ATG5: variants seen among roughly 807,000 people sequenced by gnomAD.
ATG5 encodes autophagy related 5, also known as autophagy protein 5.
ATG5 carries 14 observed loss-of-function variants against 36.5 expected under a neutral mutation model. The observed-to-expected ratio is 0.38, with a 90% CI of 0.25 to 0.60. The LOEUF (loss-of-function observed/expected upper bound fraction) is 0.60, where lower values mean the gene tolerates loss of function less well. ATG5 is among the 20% of genes least tolerant of loss of function. The probability of loss-of-function intolerance (pLI) is 0.60; values close to 1 mark genes in which losing one functional copy is unlikely to be tolerated. For synonymous variants in ATG5, 95 were observed against 101.5 expected (o/e 0.94, Z 0.38); for missense variants, 195 against 326.7 (o/e 0.60, Z 3.11).
chr6:106,288,547 T>A (rs1780176342), intron 4 of ATG5, among the ~76,000 whole-genome samples: 1 of 152,208 alleles, frequency 6.6e-6, no homozygotes, highest in Non-Finnish European at 1.5e-5. Flanking sequence ...AATTTTCTGA[T>A]TCACCCTTAA....
chr6:106,235,919 T>C (rs141245391), intron 6 of ATG5, among the ~76,000 whole-genome samples: 1 of 152,312 alleles, frequency 6.6e-6, no homozygotes, highest in Non-Finnish European at 1.5e-5. Flanking sequence ...GAGGACCCCT[T>C]CAACAAGATA....
intron 5 of ATG5, among the ~76,000 whole-genome samples, chr6:106,270,628 A>G (rs1045116644): frequency 2.0e-5 from 3 of 152,216 alleles, no homozygotes; most frequent in Admixed American, 1.3e-4. Flanking sequence ...ATTCTAGTCT[A>G]TTATGCATTC....
intron 5 of ATG5, among the ~76,000 whole-genome samples, chr6:106,248,984 A>G (rs1237637682): frequency 1.3e-5 from 2 of 152,198 alleles, no homozygotes; most frequent in African/African-American, 4.8e-5. Context: ...CACAGTAAAC[A>G]TTAAATACCA....
intron 3 of ATG5, among the ~76,000 whole-genome samples, chr6:106,296,593 G>A (rs1769949963): frequency 1.3e-5 from 2 of 152,178 alleles, no homozygotes; most frequent in Admixed American, 1.3e-4. Flanking sequence ...TGAGGCGGGT[G>A]GTTCACCTGA....
At chr6:106,294,865 T>G (rs1480877168) in intron 3 of ATG5, among the ~76,000 whole-genome samples, 5 of 132,240 alleles carry the variant, frequency 3.8e-5, no homozygotes, top group Non-Finnish European at 8.2e-5. Flanking sequence ...AAAAAAAGAA[T>G]TTAGGATGAA....
At chr6:106,267,410 T>C (rs1279997071) in intron 5 of ATG5, among the ~76,000 whole-genome samples, 5 of 152,224 alleles carry the variant, frequency 3.3e-5, no homozygotes, top group Non-Finnish European at 7.3e-5. Flanking sequence ...ATGGCCATAC[T>C]GCCCAAAGTA....
rs559316091 is a variant in ATG5, at chr6:106,323,252, G to A, written c.-59+2274C>T. Reference sequence around the variant, plus strand: ...GTGGTCTTTTCCGTTTCGCTAAGTGGAAAAGTCCTTTTTTTTTTTTTTTTT... The same window carrying A: ...GTGGTCTTTTCCGTTTCGCTAAGTGAAAAAGTCCTTTTTTTTTTTTTTTTT... On this transcript the variant is annotated intron_variant, in intron 1 of 7. Coordinates refer to ENST00000369076, the MANE Select transcript of ATG5 (RefSeq NM_004849.4). 1.5e-4 allele frequency among the ~76,000 whole-genome samples: 21 copies of A among 141,716 alleles called. No homozygotes were observed. The South Asian group carries it at 1.8e-3, about 12-fold the overall frequency. The allele number at this position is 141,716 out of a possible 152,430, so 93.0% of individuals were successfully genotyped here. A position where few individuals can be genotyped will look rare whatever the true frequency, so the allele number is the denominator to read the frequency against.
intron 2 of ATG5, among the ~76,000 whole-genome samples, chr6:106,311,463 G>C (rs1419394301): frequency 6.6e-6 from 1 of 152,096 alleles, no homozygotes; most frequent in South Asian, 2.1e-4. Context: ...TGGAAGTCTG[G>C]GTGTGTGTAG....
intron 6 of ATG5, among the ~76,000 whole-genome samples, chr6:106,244,125 A>T (rs1417849669): frequency 1.3e-5 from 2 of 151,876 alleles, no homozygotes; most frequent in Admixed American, 6.6e-5. Context: ...ACTATGTTGT[A>T]TCCAGGCTGG....
At chr6:106,206,276 C>T (rs73522618) in intron 6 of ATG5, among the ~76,000 whole-genome samples, 2,991 of 151,848 alleles carry the variant, frequency 0.02, 100 homozygotes, top group African/African-American at 0.065. Flanking sequence ...GGTGGGGGCG[C>T]AGCAACCAGT....
At chr6:106,323,243 C>T (rs1771165076) in intron 1 of ATG5, among the ~76,000 whole-genome samples, 1 of 137,750 alleles carries the variant, frequency 7.3e-6, no homozygotes, top group East Asian at 2.1e-4. Context: ...TTTTCCGTTT[C>T]GCTAAGTGGA....
At chr6:106,258,799 C>A (rs1176867386) in intron 5 of ATG5, among the ~76,000 whole-genome samples, 1 of 152,156 alleles carries the variant, frequency 6.6e-6, no homozygotes, top group Non-Finnish European at 1.5e-5. Flanking sequence ...TTCATATTAT[C>A]AAAAATTCCA....
chr6:106,239,431 T>C (rs1179538272), intron 6 of ATG5, among the ~76,000 whole-genome samples: 2 of 152,212 alleles, frequency 1.3e-5, no homozygotes, highest in Non-Finnish European at 2.9e-5. Context: ...AAATTTAATG[T>C]ATTTCCATCT....
chr6:106,315,165 G>A (rs148775364), intron 2 of ATG5, among the ~76,000 whole-genome samples: 1 of 152,290 alleles, frequency 6.6e-6, no homozygotes, highest in African/African-American at 2.4e-5. Context: ...TTCCGTAGCT[G>A]GAGCAGGCTG....
intron 3 of ATG5, among the ~76,000 whole-genome samples, chr6:106,296,263 G>A (rs1258036026): frequency 6.6e-6 from 1 of 151,682 alleles, no homozygotes; most frequent in Admixed American, 6.6e-5. Flanking sequence ...ACCACATGGA[G>A]CTACTGGACA....
chr6:106,207,783 C>T (rs1176902878), intron 6 of ATG5, among the ~76,000 whole-genome samples: 2 of 151,678 alleles, frequency 1.3e-5, no homozygotes, highest in Non-Finnish European at 2.9e-5. Context: ...ACAAAAGATG[C>T]CAGCCAGTTG....
At chr6:106,265,060 C>T (rs771245217) in intron 5 of ATG5, among the ~76,000 whole-genome samples, 7 of 151,090 alleles carry the variant, frequency 4.6e-5, no homozygotes, top group East Asian at 1.9e-4. Context: ...CTGGATAAAG[C>T]GTCAAGACCC....
chr6:106,204,947 G>A (rs1776577687), intron 6 of ATG5, among the ~76,000 whole-genome samples: 1 of 152,200 alleles, frequency 6.6e-6, no homozygotes, highest in Non-Finnish European at 1.5e-5. Flanking sequence ...GATTAACTGT[G>A]TAAAGATAAT....
chr6:106,308,249 G>T, intron 3 of ATG5, 115 bp downstream of exon 3: 2 of 840,650 alleles, frequency 2.4e-6, no homozygotes, highest in Non-Finnish European at 3.3e-6. Flanking sequence ...TATTGTATGA[G>T]CTAGACTAAT....
Sources: gnomAD v4.1 joint callset for allele counts (sites outside exome capture counted in the v4.1 genomes callset) on GRCh38, gnomAD v4.1.1 for gene constraint, MANE v1.5 for transcripts, NCBI Gene and HGNC (gene_info 2026-07-23, HGNC 2026-07-21) for gene names.